PXK: variants seen among roughly 807,000 people sequenced by gnomAD.
PXK encodes the protein PX domain containing serine/threonine kinase like, also known as PX domain-containing protein kinase-like protein.
A neutral mutation model predicts 84.7 loss-of-function variants in PXK; 35 were observed. The ratio of observed to expected loss-of-function variants is 0.41; its 90% CI spans 0.32 to 0.55. The LOEUF is 0.55. Ranked by LOEUF, PXK falls within the 20% of genes least tolerant of loss-of-function variation. The probability of loss-of-function intolerance (pLI) is 0.21; values close to 1 mark genes in which losing one functional copy is unlikely to be tolerated. For synonymous variants in PXK, 253 were observed against 260.8 expected (o/e 0.97, Z 0.29); for missense variants, 634 against 699.7 (o/e 0.91, Z 1.06).
At chr3:58,360,757 G>A (rs2098169683) in intron 1 of PXK, among the ~76,000 whole-genome samples, 1 of 151,606 alleles carries the variant, frequency 6.6e-6, no homozygotes, top group African/African-American at 2.4e-5. Flanking sequence ...GCTTGAACCC[G>A]GGAGGTGGAG....
intron 4 of PXK, among the ~76,000 whole-genome samples, 157 bp downstream of exon 4, chr3:58,382,857 T>C (rs1041689171): frequency 1.2e-4 from 19 of 152,238 alleles, no homozygotes; most frequent in Non-Finnish European, 4.4e-5. Flanking sequence ...TTGATTGTAG[T>C]TTACTGTAGA....
chr3:58,334,353 A>G (rs2097549066), intron 1 of PXK, among the ~76,000 whole-genome samples: 1 of 152,194 alleles, frequency 6.6e-6, no homozygotes, highest in Non-Finnish European at 1.5e-5. Flanking sequence ...GACATGTGAG[A>G]AGGCACATAC....
intron 17 of PXK, chr3:58,423,324 C>A (rs1422218394): frequency 6.9e-7 from 1 of 1,446,714 alleles, no homozygotes; most frequent in African/African-American, 1.4e-5. Flanking sequence ...CAATTTCATT[C>A]ATCAGTTGTT....
At chr3:58,388,240 A>C (rs1313378084) in intron 4 of PXK, among the ~76,000 whole-genome samples, 1 of 152,208 alleles carries the variant, frequency 6.6e-6, no homozygotes, top group Non-Finnish European at 1.5e-5. Flanking sequence ...CACAGTCCTC[A>C]GTTTATCAGT....
chr3:58,362,948 T>C (rs2098213183), intron 1 of PXK, among the ~76,000 whole-genome samples: 1 of 152,140 alleles, frequency 6.6e-6, no homozygotes, highest in Non-Finnish European at 1.5e-5. Flanking sequence ...ACTCCTGAGC[T>C]CAAGTGATCC....
rs73837605 is a variant in PXK, at chr3:58,409,247, C to T, written c.1308+246C>T. On this transcript the variant is annotated intron_variant, in intron 14 of 17. Transcript: ENST00000356151. The surrounding 1 kb of genome is among the most constrained non-coding windows in gnomAD (Gnocchi z 4.2). The stretch of plus-strand genomic sequence containing the variant: ...GTCTGGGTTTCTGATCAGAGCATGC[C>T]GGCCGGTGATAGTTGCGGGCATGCA... 0.12 allele frequency among the ~76,000 whole-genome samples: 18,414 copies of T among 152,064 alleles called. 1,609 individuals are homozygous for T. The highest frequency in any genetic ancestry group is 0.24 in the African/African-American group (9,953 of 41,426).
chr3:58,394,906 AG>A, intron 7 of PXK, 91 bp from the exon 8 acceptor site: 1 of 890,674 alleles, frequency 1.1e-6, no homozygotes, highest in Non-Finnish European at 1.8e-6. Flanking sequence ...AAACCACCAC[AG>A]TGCTACTTGA....
At chr3:58,372,344 A>G (rs1165264526) in intron 3 of PXK, among the ~76,000 whole-genome samples, 3 of 151,454 alleles carry the variant, frequency 2.0e-5, no homozygotes, top group Non-Finnish European at 4.4e-5. Flanking sequence ...TTTTTTTGAG[A>G]TGGAGTCTCA....
chr3:58,368,256 T>C (rs1056026190), intron 2 of PXK, among the ~76,000 whole-genome samples: 2 of 152,166 alleles, frequency 1.3e-5, no homozygotes, highest in Non-Finnish European at 2.9e-5. Context: ...GTTTTATGGC[T>C]TACTTTGTGA....
At chr3:58,366,241 A>G (rs2098270331) in intron 2 of PXK, among the ~76,000 whole-genome samples, 1 of 152,044 alleles carries the variant, frequency 6.6e-6, no homozygotes, top group Non-Finnish European at 1.5e-5. Flanking sequence ...TCTCCCCTGT[A>G]GCTATGGTTT....
At chr3:58,403,248 G>A (rs1448185153) in intron 12 of PXK, among the ~76,000 whole-genome samples, 11 of 151,806 alleles carry the variant, frequency 7.2e-5, no homozygotes, top group Non-Finnish European at 1.2e-4. Flanking sequence ...CAAGTGATCC[G>A]CCTGCCTCAG....
chr3:58,417,960 A>T (rs2061242652), intron 17 of PXK, among the ~76,000 whole-genome samples: 1 of 152,092 alleles, frequency 6.6e-6, no homozygotes, highest in African/African-American at 2.4e-5. Context: ...GTGGGACTAC[A>T]GGTGTGCACC....
intron 17 of PXK, among the ~76,000 whole-genome samples, chr3:58,424,272 T>G (rs914535262): frequency 6.6e-6 from 1 of 152,214 alleles, no homozygotes; most frequent in Non-Finnish European, 1.5e-5. Flanking sequence ...AAACATTGTG[T>G]ATGTTGGAGC....
At chr3:58,351,776 T>TA (rs1343773437) in intron 1 of PXK, among the ~76,000 whole-genome samples, 5 of 151,942 alleles carry the variant, frequency 3.3e-5, no homozygotes, top group African/African-American at 1.2e-4. Context: ...CAGAGACTGA[T>TA]ACAATTGTTT....
rs748790860 is a variant in PXK, at chr3:58,397,094, A to T, written c.878A>T (p.Asn293Ile). ...GFPYGHLHAS[N>I]VMLDGDTCRL... ...CCTTATGGGCATCTTCACGCCTCCA[A>T]TGTGATGCTCGATGGGGACACTTGC... Residue 293 changes from asparagine (N) to isoleucine (I), a missense_variant, in exon 10 of 18, where the codon AAT (asparagine) becomes ATT (isoleucine). Physicochemically the swap from Asn to Ile is moderately radical, Grantham distance 149. Around this residue, in one of 3 missense-constraint regions of PXK, gnomAD observed 353 missense variants for 385.2 expected, o/e 0.92. Coordinates refer to ENST00000356151, the MANE Select transcript of PXK (RefSeq NM_017771.5). This position sits in a 1 kb window ranked among gnomAD's most constrained non-coding sequence, Gnocchi z 4.7. 6.2e-7 allele frequency: 1 copy of T among 1,614,050 alleles called. No homozygotes were observed. The highest frequency in any genetic ancestry group is 1.3e-5 in the African/African-American group (1 of 74,930).
Position 58,390,619 on chromosome 3 carries a change from A to G in PXK, c.426A>G (p.Ser142=). The change falls in exon 5 of 18, where the codon TCA becomes TCG. Residue 142 remains serine (S), a synonymous_variant. Transcript: ENST00000356151. The surrounding 1 kb of genome is among the most constrained non-coding windows in gnomAD (Gnocchi z 4.2). ...AACAGGTTTCCATGTTCTTCCGATCAGAACCAAAGTGGGAGGTGGTGGAAC... is the reference window on the plus strand; with the variant it reads ...AACAGGTTTCCATGTTCTTCCGATCGGAACCAAAGTGGGAGGTGGTGGAAC... The part of the protein sequence containing the change: ...ALQQVSMFFR[S]EPKWEVVEPL... The G allele has an allele frequency of 1.9e-6, 3 of 1,613,626 alleles. No homozygotes were observed. The highest frequency in any genetic ancestry group is 1.7e-6 in the Non-Finnish European group (2 of 1,179,678).
chr3:58,376,327 A>G (rs1331448241), intron 3 of PXK, among the ~76,000 whole-genome samples: 2 of 151,984 alleles, frequency 1.3e-5, no homozygotes, highest in Admixed American at 1.3e-4. Context: ...AGGCAGGAGA[A>G]TTACTTGAAC....
At chr3:58,422,248 C>T (rs2062003172) in intron 17 of PXK, 2 of 985,438 alleles carry the variant, frequency 2.0e-6, no homozygotes, top group South Asian at 4.7e-5. Flanking sequence ...CTCCAGTTTC[C>T]ACCTTCTGAC....
Position 58,416,037 on chromosome 3 carries a change from A to G in PXK, c.1528+3074A>G, listed in dbSNP as rs1464995745. Among the ~76,000 whole-genome samples the G allele has an allele frequency of 6.6e-6, 1 of 152,226 alleles. No individual in the cohort carries two copies. The highest frequency in any genetic ancestry group is 1.9e-4 in the East Asian group (1 of 5,194). On this transcript the variant is annotated intron_variant, in intron 17 of 17. Transcript: ENST00000356151. This position sits in a 1 kb window ranked among gnomAD's most constrained non-coding sequence, Gnocchi z 4.8. Reference sequence around the variant, plus strand: ...TTGCTAGGGGGAGTGACTTTCTCCAAGCCTCTCAAGAAGAAACTTAGAACA... The same window carrying G: ...TTGCTAGGGGGAGTGACTTTCTCCAGGCCTCTCAAGAAGAAACTTAGAACA...
Sources: gnomAD v4.1 joint callset for allele counts (sites outside exome capture counted in the v4.1 genomes callset) on GRCh38, gnomAD v4.1.1 for gene constraint, gnomAD v4.1.1 regional missense constraint, Gnocchi (gnomAD v3.1) non-coding constraint, MANE v1.5 for transcripts, NCBI Gene and HGNC (gene_info 2026-07-23, HGNC 2026-07-21) for gene names.